THSD4: variants seen among roughly 807,000 people sequenced by gnomAD.
THSD4 encodes thrombospondin type 1 domain containing 4, also known as thrombospondin type-1 domain-containing protein 4.
Under a neutral mutation model 119.0 loss-of-function variants are expected in THSD4, and 69 were observed. That is an observed-to-expected ratio of 0.58 (90% CI 0.48 to 0.71). The LOEUF (loss-of-function observed/expected upper bound fraction) is 0.71. Ranked by LOEUF, THSD4 falls within the 30% of genes least tolerant of loss-of-function variation. The pLI is 0.00. For missense variants in THSD4, 1,393 were observed against 1,391.1 expected (o/e 1.00, Z -0.02); for synonymous variants, 524 against 540.4 (o/e 0.97, Z 0.42).
At chr15:71,584,053 C>G (rs558240899) in intron 7 of THSD4, among the ~76,000 whole-genome samples, 85 of 152,158 alleles carry the variant, frequency 5.6e-4, no homozygotes, top group African/African-American at 2.0e-3. Context: ...ACCTTCAGTT[C>G]TGTCAATATT....
chr15:71,437,531 C>G (rs1461739373), intron 7 of THSD4, among the ~76,000 whole-genome samples: 1 of 152,142 alleles, frequency 6.6e-6, no homozygotes, highest in African/African-American at 2.4e-5. Flanking sequence ...CAGAGAACAG[C>G]TTTGGGAGAG....
intron 6 of THSD4, among the ~76,000 whole-genome samples, chr15:71,280,112 A>AGAGCTTCCAGGAGCAAGTGGGACTGG (rs2044634757): frequency 6.6e-6 from 1 of 152,192 alleles, no homozygotes; most frequent in Non-Finnish European, 1.5e-5. Context: ...GGGCGTGTGC[A>AGAGCTTCCAGGAGCAAGTGGGACTGG]GATGTAGGGG....
intron 16 of THSD4, among the ~76,000 whole-genome samples, chr15:71,765,941 G>A (rs1009767132): frequency 6.6e-6 from 1 of 152,208 alleles, no homozygotes; most frequent in South Asian, 2.1e-4. Context: ...TAGTATACCA[G>A]ATCCTGCAAA....
intron 8 of THSD4, among the ~76,000 whole-genome samples, chr15:71,720,164 C>T (rs62023265): frequency 0.17 from 26,018 of 151,044 alleles, 3,260 homozygotes; most frequent in African/African-American, 0.35. Flanking sequence ...GATCCTCTCG[C>T]CTCAGCCTCT....
At position 71,201,425 on chromosome 15, in the gene THSD4, C is replaced by A. The variant is rs189751259; in HGVS notation, c.100-13610C>A. ...AAGATTAAACACACTGGATCTCAGGCCTCAGACAGCTAGAAAATCCAAAGT... is the reference window on the plus strand; with the variant it reads ...AAGATTAAACACACTGGATCTCAGGACTCAGACAGCTAGAAAATCCAAAGT... On this transcript the variant is annotated intron_variant, in intron 3 of 17. Transcript: ENST00000261862. Among the ~76,000 whole-genome samples, 662 of 152,278 alleles carry A rather than the reference C, an allele frequency of 4.3e-3. 3 individuals are homozygous for A. Among genetic ancestry groups the A allele is most frequent in the Non-Finnish European group, 7.5e-3 (508 of 68,024 alleles).
chr15:71,632,223 A>G (rs553569587), intron 7 of THSD4, among the ~76,000 whole-genome samples: 17 of 152,270 alleles, frequency 1.1e-4, no homozygotes, highest in South Asian at 2.1e-4. Flanking sequence ...TATTTTGAAA[A>G]TCTGACCCCT....
chr15:71,313,210 G>A (rs115862866), intron 6 of THSD4, among the ~76,000 whole-genome samples: 2,332 of 152,200 alleles, frequency 0.015, 54 homozygotes, highest in African/African-American at 0.054. Flanking sequence ...TATTGCTCAA[G>A]TTATTCAAGC....
At chr15:71,413,254 C>G (rs2046714511) in intron 7 of THSD4, among the ~76,000 whole-genome samples, 1 of 152,220 alleles carries the variant, frequency 6.6e-6, no homozygotes, top group Non-Finnish European at 1.5e-5. Context: ...CTCAAGTGAT[C>G]CACCTGCCTT....
intron 6 of THSD4, among the ~76,000 whole-genome samples, chr15:71,411,005 A>G (rs2140501519): frequency 6.6e-6 from 1 of 152,296 alleles, no homozygotes; most frequent in Non-Finnish European, 1.5e-5. Context: ...CCAAGATTGC[A>G]CCACTGCGCT....
chr15:71,529,642 T>C (rs1285414687), intron 7 of THSD4, among the ~76,000 whole-genome samples: 2 of 152,174 alleles, frequency 1.3e-5, no homozygotes, highest in South Asian at 2.1e-4. Flanking sequence ...ACAGAAGAAA[T>C]AAAAGTAATT....
chr15:71,286,665 C>T (rs956118329), intron 6 of THSD4, among the ~76,000 whole-genome samples: 4 of 152,160 alleles, frequency 2.6e-5, no homozygotes, highest in African/African-American at 9.7e-5. Context: ...TGGCTATATA[C>T]CCAGTAATGG....
At chr15:71,173,149 A>G (rs2043399501) in intron 3 of THSD4, among the ~76,000 whole-genome samples, 2 of 152,180 alleles carry the variant, frequency 1.3e-5, no homozygotes, top group African/African-American at 4.8e-5. Context: ...AAAGATTGTT[A>G]GAACTAATAA....
At position 71,256,497 on chromosome 15, in the gene THSD4, T is replaced by G. The variant is rs1421143930; in HGVS notation, c.913-116T>G. 91 of 634,018 alleles carry G rather than the reference T, an allele frequency of 1.4e-4. 1 individual carries two copies. Among genetic ancestry groups the G allele is most frequent in the Middle Eastern group, 5.4e-4 (1 of 1,856 alleles). 39.3% of individuals were successfully genotyped at this position (634,018 alleles called of 1,614,324 possible). ...TCTCAAAAAAAAAAAAATAAATAAATAAAGAATAAAAATAAAAAATAAATA... is the reference window on the plus strand; with the variant it reads ...TCTCAAAAAAAAAAAAATAAATAAAGAAAGAATAAAAATAAAAAATAAATA... On this transcript the variant is annotated intron_variant, in intron 5 of 17. Coordinates refer to ENST00000261862, the MANE Select transcript of THSD4 (RefSeq NM_024817.3).
intron 6 of THSD4, among the ~76,000 whole-genome samples, chr15:71,273,000 A>C (rs963886358): frequency 6.6e-6 from 1 of 152,244 alleles, no homozygotes; most frequent in African/African-American, 2.4e-5. Context: ...TCTCAAAAAA[A>C]ACTAAAAATA....
Position 71,137,032 on chromosome 15 carries a change from G to A in THSD4, c.-79-4417G>A, listed in dbSNP as rs923496550. 1.3e-5 allele frequency among the ~76,000 whole-genome samples: 2 copies of A among 152,264 alleles called. 1 individual carries two copies. Among genetic ancestry groups the A allele is most frequent in the East Asian group, 3.9e-4 (2 of 5,176 alleles). ...GGCCACTTTGGCCTGAACCAAATCA[G>A]GTGACTCATTCAACCTTCCTGTAGG... On this transcript the variant is annotated intron_variant, in intron 1 of 17. Coordinates refer to ENST00000261862, the MANE Select transcript of THSD4 (RefSeq NM_024817.3).
intron 3 of THSD4, among the ~76,000 whole-genome samples, chr15:71,181,312 G>A (rs1385038394): frequency 2.0e-5 from 3 of 152,194 alleles, no homozygotes; most frequent in Admixed American, 6.5e-5. Flanking sequence ...TCACTAATTT[G>A]TGCTGCTCTA....
Position 71,781,153 on chromosome 15 carries a change from T to C in THSD4, c.*3779T>C, listed in dbSNP as rs970414080. On this transcript the variant is annotated 3_prime_UTR_variant, in exon 18 of 18. Transcript: ENST00000261862. ...GTTTACATGGGAAAATATCGATGGC[T>C]TCCTCACAAAATGTATGGGTGACGT... The C allele has an allele frequency of 1.1e-5, 2 of 182,022 alleles. No individual in the cohort carries two copies. Among genetic ancestry groups the C allele is most frequent in the Middle Eastern group, 2.7e-3 (1 of 370 alleles). The allele number at this position is 182,022 out of a possible 1,614,324, so 11.3% of individuals were successfully genotyped here. A position where few individuals can be genotyped will look rare whatever the true frequency, so the allele number is the denominator to read the frequency against.
chr15:71,499,575 A>G (rs958748404), intron 7 of THSD4, among the ~76,000 whole-genome samples: 5 of 151,762 alleles, frequency 3.3e-5, no homozygotes, highest in African/African-American at 9.7e-5. Flanking sequence ...ATTACTGTAT[A>G]TGCACATTGC....
At chr15:71,498,392 T>C (rs906904371) in intron 7 of THSD4, among the ~76,000 whole-genome samples, 4 of 152,222 alleles carry the variant, frequency 2.6e-5, no homozygotes, top group African/African-American at 9.6e-5. Context: ...TTTTGCATTT[T>C]TTCACCCCAG....
Sources: gnomAD v4.1 joint callset for allele counts (sites outside exome capture counted in the v4.1 genomes callset) on GRCh38, gnomAD v4.1.1 for gene constraint, MANE v1.5 for transcripts, NCBI Gene and HGNC (gene_info 2026-07-23, HGNC 2026-07-21) for gene names.